TPCN1: variants seen among roughly 807,000 people sequenced by gnomAD.
The protein encoded by TPCN1 is two pore channel protein 1.
TPCN1 carries 52 observed loss-of-function variants against 108.8 expected under a neutral mutation model. That is an observed-to-expected ratio of 0.48 (90% CI 0.38 to 0.60). TPCN1 has a LOEUF of 0.60. Among genes scored for constraint, TPCN1 ranks in the 20% least tolerant of loss-of-function variants. The probability of loss-of-function intolerance (pLI) is 0.00; values close to 1 mark genes in which losing one functional copy is unlikely to be tolerated. For synonymous variants in TPCN1, 446 were observed against 433.7 expected, an observed-to-expected ratio of 1.03 and a Z score of -0.35; for missense variants, 806 against 1,072.8, an observed-to-expected ratio of 0.75 and a Z score of 3.47.
At chr12:113,250,581 C>T (rs967611384) in intron 2 of TPCN1, among the ~76,000 whole-genome samples, 4 of 152,240 alleles carry the variant, frequency 2.6e-5, no homozygotes, top group Non-Finnish European at 4.4e-5. Context: ...TGACCTTGGG[C>T]AGGGACAACC....
intron 2 of TPCN1, chr12:113,249,789 T>A (rs1954559706): frequency 6.6e-6 from 1 of 152,312 alleles, no homozygotes. Context: ...GGCACACCAT[T>A]AATGGACTGT....
intron 26 of TPCN1, 54 bp downstream of exon 26, chr12:113,293,127 G>A: frequency 6.2e-7 from 1 of 1,601,714 alleles, no homozygotes; most frequent in Non-Finnish European, 8.5e-7. Context: ...AGTGTGGGTG[G>A]CATAATCCCT....
Position 113,291,685 on chromosome 12 carries a change from C to T in TPCN1, c.2028+8C>T. The T allele has an allele frequency of 6.2e-7, 1 of 1,613,364 alleles. No homozygotes were observed. Among genetic ancestry groups the T allele is most frequent in the Middle Eastern group, 1.6e-4 (1 of 6,062 alleles). ...TTTTACATTGTGACCATGGTAGGTC[C>T]CGGACCACAGAACGCTCTTTGTCCT... On this transcript the variant is annotated splice_region_variant and intron_variant, in intron 24 of 27. Transcript: ENST00000335509.
Position 113,293,007 on chromosome 12 carries a change from G to A in TPCN1, c.2187G>A (p.Glu729=), listed in dbSNP as rs1956317117. The change falls in exon 26 of 28, where the codon GAG becomes GAA. Residue 729 remains glutamate, a synonymous_variant. Coordinates refer to ENST00000335509, the MANE Select transcript of TPCN1 (RefSeq NM_017901.6). ...ELVAVLELYR[E]ARGASSDVTR... Reference sequence around the variant, plus strand: ...TTGCCGTCCTGGAGCTCTACCGGGAGGCACGGGGGGCCTCCTCGGATGTCA... The same window carrying A: ...TTGCCGTCCTGGAGCTCTACCGGGAAGCACGGGGGGCCTCCTCGGATGTCA... 1.9e-6 allele frequency: 3 copies of A among 1,613,352 alleles called. No homozygotes were observed. Among genetic ancestry groups the A allele is most frequent in the Non-Finnish European group, 2.5e-6 (3 of 1,180,002 alleles).
rs1053750665 is a variant in TPCN1, at chr12:113,272,836, G to C, written c.783+144G>C. The C allele has an allele frequency of 6.0e-6, 5 of 831,158 alleles. No individual in the cohort carries two copies. The East Asian group carries it at 1.2e-4, about 20-fold the overall frequency. The allele number at this position is 831,158 out of a possible 1,614,324, so 51.5% of individuals were successfully genotyped here. Reference sequence around the variant, plus strand: ...ATAGCTTGTGTGTGCATTGCACCTGGGAGTTCCCATCACTCAGACTTGACC... The same window carrying C: ...ATAGCTTGTGTGTGCATTGCACCTGCGAGTTCCCATCACTCAGACTTGACC... On this transcript the variant is annotated intron_variant, in intron 8 of 27. Coordinates refer to ENST00000335509, the MANE Select transcript of TPCN1 (RefSeq NM_017901.6). This position sits in a 1 kb window ranked among gnomAD's most constrained non-coding sequence, Gnocchi z 4.1.
rs1252770692 is a variant in TPCN1, at chr12:113,232,728, G to T, written c.112+5764G>T. ...AGTCGTCATGGGGGATTGAGTGAGA[G>T]CATGTGTGTGATCACATGGTCAGTG... On this transcript the variant is annotated intron_variant, in intron 2 of 27. Coordinates refer to ENST00000335509, the MANE Select transcript of TPCN1 (RefSeq NM_017901.6). This position sits in a 1 kb window ranked among gnomAD's most constrained non-coding sequence, Gnocchi z 5.6. Among the ~76,000 whole-genome samples, 3 of 152,220 alleles carry T rather than the reference G, an allele frequency of 2.0e-5. No homozygotes were observed. The highest frequency in any genetic ancestry group is 1.3e-4 in the Admixed American group (2 of 15,288).
chr12:113,232,467 G>A lies in TPCN1; in HGVS notation c.112+5503G>A, dbSNP rs147226581. The stretch of plus-strand genomic sequence containing the variant: ...GAGATCCTCGCCGGCTGGCACCAGA[G>A]AAGAATACACCCCGAGGTGTGCGCT... On this transcript the variant is annotated intron_variant, in intron 2 of 27. Transcript: ENST00000335509. This position sits in a 1 kb window ranked among gnomAD's most constrained non-coding sequence, Gnocchi z 5.6. Among the ~76,000 whole-genome samples, 326 of 152,396 alleles carry A rather than the reference G, an allele frequency of 2.1e-3. No homozygotes were observed. The highest frequency in any genetic ancestry group is 6.8e-3 in the Middle Eastern group (2 of 294).
At chr12:113,237,968 G>T (rs943425393) in intron 2 of TPCN1, among the ~76,000 whole-genome samples, 1 of 152,168 alleles carries the variant, frequency 6.6e-6, no homozygotes, top group African/African-American at 2.4e-5. Context: ...AAAAAGTGTG[G>T]CTTCTGTTTC....
intron 3 of TPCN1, among the ~76,000 whole-genome samples, chr12:113,262,823 A>G (rs754636507): frequency 1.6e-4 from 24 of 152,338 alleles, no homozygotes; most frequent in African/African-American, 4.8e-4. Context: ...AGATGTGGCA[A>G]CTGAGACTCA....
At chr12:113,290,741 G>A (rs552152514) in intron 22 of TPCN1, among the ~76,000 whole-genome samples, 1 of 152,336 alleles carries the variant, frequency 6.6e-6, no homozygotes, top group African/African-American at 2.4e-5. Context: ...GGCAGAGGGT[G>A]TGTTCTCTTG....
chr12:113,266,777 G>A lies in TPCN1; in HGVS notation c.414+421G>A, dbSNP rs749293147. Among the ~76,000 whole-genome samples, 15 of 152,320 alleles carry A rather than the reference G, an allele frequency of 9.8e-5. 1 individual carries two copies. In the South Asian group the frequency reaches 1.2e-3, roughly 13 times the overall value. On this transcript the variant is annotated intron_variant, in intron 4 of 27. Transcript: ENST00000335509. This position sits in a 1 kb window ranked among gnomAD's most constrained non-coding sequence, Gnocchi z 4.2. Reference sequence around the variant, plus strand: ...GCCCCGCAGATGTCCCTACACCCAGGCCCAGCCATCATTCAGTGGGGGCCA... The same window carrying A: ...GCCCCGCAGATGTCCCTACACCCAGACCCAGCCATCATTCAGTGGGGGCCA...
rs747181960 is a variant in TPCN1, at chr12:113,277,149, A to T, written c.1060-91A>T. 139 of 1,604,366 alleles carry T rather than the reference A, an allele frequency of 8.7e-5. 1 individual carries two copies. Among genetic ancestry groups the T allele is most frequent in the Admixed American group, 2.8e-4 (17 of 59,692 alleles). On this transcript the variant is annotated intron_variant, in intron 11 of 27. Transcript: ENST00000335509. ...TAGAAACCAGGAACCCTGCCCTTGG[A>T]AGAATGAACAGAGCTGGAGTGGATC...
intron 2 of TPCN1, among the ~76,000 whole-genome samples, chr12:113,230,317 A>C: frequency 8.9e-6 from 1 of 111,904 alleles, no homozygotes; most frequent in Non-Finnish European, 1.7e-5. Context: ...GAGGTGGAGT[A>C]TCACTCTGTC....
At position 113,296,175 on chromosome 12, in the gene TPCN1, T is replaced by C. The variant is rs977808000; in HGVS notation, c.*99T>C. On this transcript the variant is annotated 3_prime_UTR_variant, in exon 28 of 28. Coordinates refer to ENST00000335509, the MANE Select transcript of TPCN1 (RefSeq NM_017901.6). ...GTGTGTGTACACATACTCACGTATA[T>C]GCACATATTTATATACAGGAAGAAA... is the stretch of plus-strand genomic sequence containing the variant. The C allele has an allele frequency of 6.0e-6, 9 of 1,496,302 alleles. No individual in the cohort carries two copies. Among genetic ancestry groups the C allele is most frequent in the Non-Finnish European group, 9.0e-7 (1 of 1,107,248 alleles). 92.7% of individuals were successfully genotyped at this position (1,496,302 alleles called of 1,614,324 possible).
intron 12 of TPCN1, among the ~76,000 whole-genome samples, chr12:113,277,653 C>T (rs532590156): frequency 6.6e-6 from 1 of 152,234 alleles, no homozygotes; most frequent in South Asian, 2.1e-4. Context: ...TGGGATAGTC[C>T]CATGTGAGCC....
intron 2 of TPCN1, among the ~76,000 whole-genome samples, chr12:113,256,120 C>A (rs1273426391): frequency 6.6e-6 from 1 of 152,082 alleles, no homozygotes; most frequent in Admixed American, 6.5e-5. Context: ...ACTGTGCTTG[C>A]CTAATTTTTT....
Position 113,288,679 on chromosome 12 carries a change from G to A in TPCN1, c.1707-79G>A, listed in dbSNP as rs912743522. 5.2e-5 allele frequency: 83 copies of A among 1,583,874 alleles called. No homozygotes were observed. Among genetic ancestry groups the A allele is most frequent in the East Asian group, 9.0e-5 (4 of 44,608 alleles). On this transcript the variant is annotated intron_variant, in intron 20 of 27. Coordinates refer to ENST00000335509, the MANE Select transcript of TPCN1 (RefSeq NM_017901.6). This position sits in a 1 kb window ranked among gnomAD's most constrained non-coding sequence, Gnocchi z 4.8. ...GGCATGGCCCTGCAGTCAGCCCCACGGGTCCGAGGAGGCCGGGGCTGCAGA... is the reference window on the plus strand; with the variant it reads ...GGCATGGCCCTGCAGTCAGCCCCACAGGTCCGAGGAGGCCGGGGCTGCAGA...
intron 2 of TPCN1, among the ~76,000 whole-genome samples, chr12:113,246,322 T>A (rs1954382237): frequency 6.6e-6 from 1 of 152,226 alleles, no homozygotes; most frequent in African/African-American, 2.4e-5. Flanking sequence ...GTCCTCTTGG[T>A]CTGGTTTTCC....
chr12:113,257,906 A>C (rs753704239), intron 2 of TPCN1, among the ~76,000 whole-genome samples: 4 of 152,198 alleles, frequency 2.6e-5, no homozygotes, highest in Non-Finnish European at 5.9e-5. Context: ...AAAAGACTAC[A>C]TACTGTATTA....
Sources: gnomAD v4.1 joint callset for allele counts (sites outside exome capture counted in the v4.1 genomes callset) on GRCh38, gnomAD v4.1.1 for gene constraint, Gnocchi (gnomAD v3.1) non-coding constraint, MANE v1.5 for transcripts, NCBI Gene and HGNC (gene_info 2026-07-23, HGNC 2026-07-21) for gene names.